Variants in IKZF2 observed in about 807,000 individuals in gnomAD.
IKZF2 encodes the protein zinc finger protein Helios.
A neutral mutation model predicts 49.2 loss-of-function variants in IKZF2; 15 were observed. The observed-to-expected ratio is 0.30, with a 90% CI of 0.20 to 0.47. The LOEUF (loss-of-function observed/expected upper bound fraction) is 0.47, where lower values mean the gene tolerates loss of function less well. Among genes scored for constraint, IKZF2 ranks in the 20% least tolerant of loss-of-function variants. IKZF2 has a pLI of 1.00. For missense variants in IKZF2, 567 were observed against 664.6 expected, an observed-to-expected ratio of 0.85 and a Z score of 1.61; for synonymous variants, 227 against 221.4, an observed-to-expected ratio of 1.03 and a Z score of -0.23.
At chr2:213,063,816 CT>C (rs1338721181) in intron 4 of IKZF2, among the ~76,000 whole-genome samples, 1 of 151,988 alleles carries the variant, frequency 6.6e-6, no homozygotes, top group Admixed American at 6.6e-5. Context: ...AAACAAGTAA[CT>C]TACATTAGTA....
Position 213,007,582 on chromosome 2 carries a change from A to G in IKZF2, c.1359T>C (p.Ser453=). ...ALDTTKAPKG[S]LKDIYKVFNG... is the part of the protein sequence containing the mutation. ...TGAAGACCTTGTAGATGTCCTTCAG[A>G]GAGCCCTTAGGAGCCTTGGTAGTAT... Residue 453 remains serine (S), a synonymous_variant, in exon 9 of 9, where the codon TCT becomes TCC. Transcript: ENST00000434687. 6.2e-7 allele frequency: 1 copy of G among 1,613,738 alleles called. No homozygotes were observed. Among genetic ancestry groups the G allele is most frequent in the East Asian group, 2.2e-5 (1 of 44,860 alleles).
chr2:213,054,143 C>T (rs1273956957), intron 5 of IKZF2, among the ~76,000 whole-genome samples: 1 of 151,978 alleles, frequency 6.6e-6, no homozygotes, highest in East Asian at 1.9e-4. Context: ...ACTTTGGAGG[C>T]TGAGGCAGGA....
chr2:213,127,285 TAGTTG>T (rs2060299469), intron 4 of IKZF2, among the ~76,000 whole-genome samples: 1 of 152,172 alleles, frequency 6.6e-6, no homozygotes, highest in South Asian at 2.1e-4. Context: ...AACAGTACAT[TAGTTG>T]AGGTCATGCT....
chr2:213,082,066 A>C (rs1704012077), intron 4 of IKZF2, among the ~76,000 whole-genome samples: 1 of 152,218 alleles, frequency 6.6e-6, no homozygotes, highest in African/African-American at 2.4e-5. Context: ...AGTTAAAGGC[A>C]AGTGAGGCTG....
At chr2:213,022,684 G>C (rs1338946244) in intron 6 of IKZF2, among the ~76,000 whole-genome samples, 1 of 152,056 alleles carries the variant, frequency 6.6e-6, no homozygotes, top group Non-Finnish European at 1.5e-5. Context: ...TTTCACCTTG[G>C]TAACAACTAT....
chr2:213,079,677 CA>C (rs1703720040), intron 4 of IKZF2, among the ~76,000 whole-genome samples: 1 of 152,150 alleles, frequency 6.6e-6, no homozygotes, highest in African/African-American at 2.4e-5. Context: ...GGGCAGGATA[CA>C]TTTGCCAGCC....
upstream of IKZF2, among the ~76,000 whole-genome samples, chr2:213,151,784 G>C (rs968525771): frequency 6.8e-6 from 1 of 146,992 alleles, no homozygotes; most frequent in African/African-American, 2.4e-5. Context: ...GCGCGGGCGA[G>C]CGGACGTGCG....
At chr2:213,077,902 A>AT (rs1039577806) in intron 4 of IKZF2, among the ~76,000 whole-genome samples, 4 of 151,754 alleles carry the variant, frequency 2.6e-5, no homozygotes, top group Non-Finnish European at 4.4e-5. Context: ...CTATGTACTT[A>AT]TTTTTTTTAA....
intron 4 of IKZF2, among the ~76,000 whole-genome samples, chr2:213,100,129 TC>T (rs1327158520): frequency 6.6e-6 from 1 of 152,134 alleles, no homozygotes; most frequent in African/African-American, 2.4e-5. Flanking sequence ...GAAATATCCT[TC>T]TGTGGGAAGG....
At chr2:213,142,832 T>C (rs2060919799) in intron 4 of IKZF2, among the ~76,000 whole-genome samples, 1 of 151,988 alleles carries the variant, frequency 6.6e-6, no homozygotes, top group Non-Finnish European at 1.5e-5. Context: ...AAGTAAAGCA[T>C]CTAGCATACT....
chr2:213,135,627 C>G (rs1454190304), intron 4 of IKZF2, among the ~76,000 whole-genome samples: 2 of 150,938 alleles, frequency 1.3e-5, no homozygotes, highest in Non-Finnish European at 3.0e-5. Context: ...CCAGGCTGCA[C>G]TGAGCTATAA....
intron 7 of IKZF2, among the ~76,000 whole-genome samples, chr2:213,018,839 T>C (rs1213202433): frequency 6.6e-6 from 1 of 152,112 alleles, no homozygotes; most frequent in African/African-American, 2.4e-5. Context: ...TATATGCAAT[T>C]TTTACTCATC....
At chr2:213,087,566 A>C (rs1189516374) in intron 4 of IKZF2, among the ~76,000 whole-genome samples, 1 of 152,078 alleles carries the variant, frequency 6.6e-6, no homozygotes, top group Non-Finnish European at 1.5e-5. Context: ...ACACATGTAT[A>C]CATGTGCCAT....
intron 4 of IKZF2, among the ~76,000 whole-genome samples, chr2:213,124,717 A>G (rs1298470399): frequency 3.3e-5 from 5 of 152,222 alleles, no homozygotes; most frequent in African/African-American, 1.2e-4. Context: ...CAACAACAAC[A>G]AAGTACCAGG....
chr2:213,044,434 T>G (rs971286115), intron 6 of IKZF2, among the ~76,000 whole-genome samples: 1 of 152,136 alleles, frequency 6.6e-6, no homozygotes, highest in Non-Finnish European at 1.5e-5. Context: ...GGCCCAAAGC[T>G]CCAGTCAAAA....
rs768308506 is a variant in IKZF2 at position 213,007,900 on chromosome 2, C to G, written c.1041G>C (p.Val347=). The G allele has an allele frequency of 1.9e-6, 3 of 1,613,370 alleles. No homozygotes were observed. The African/African-American group carries it at 4.0e-5, about 22-fold the overall frequency. The part of the protein sequence containing the change: ...MQHPPSTIAE[V]APVISSAYSQ... ...AATAAGCTGAGCTTATAACTGGGGC[C>G]ACTTCAGCGATTGTGCTTGGCGGGT... Residue 347 remains valine (V), a synonymous_variant, in exon 9 of 9, where the codon GTG becomes GTC. Coordinates refer to ENST00000434687, the MANE Select transcript of IKZF2 (RefSeq NM_001387220.1).
chr2:213,141,294 T>C (rs1025240370), intron 4 of IKZF2, among the ~76,000 whole-genome samples: 1 of 152,006 alleles, frequency 6.6e-6, no homozygotes, highest in South Asian at 2.1e-4. Flanking sequence ...GCCTAGAGAC[T>C]GGTCCCCATC....
At position 213,007,231 on chromosome 2, in the gene IKZF2, T is replaced by A. The variant is rs1695420931; in HGVS notation, c.*129A>T. 1.0e-6 allele frequency: 1 copy of A among 996,312 alleles called. No homozygotes were observed. Among genetic ancestry groups the A allele is most frequent in the Non-Finnish European group, 1.4e-6 (1 of 693,738 alleles). The allele number at this position is 996,312 out of a possible 1,614,324, so 61.7% of individuals were successfully genotyped here. A position where few individuals can be genotyped will look rare whatever the true frequency, so the allele number is the denominator to read the frequency against. ...GACACTGCCTCCACAAAATAAGAAT[T>A]ATCAACAGTAATAATATTAAAAAAA... On this transcript the variant is annotated 3_prime_UTR_variant, in exon 9 of 9. Coordinates refer to ENST00000434687, the MANE Select transcript of IKZF2 (RefSeq NM_001387220.1).
intron 4 of IKZF2, among the ~76,000 whole-genome samples, chr2:213,113,844 A>G (rs1463818346): frequency 2.6e-5 from 4 of 152,170 alleles, no homozygotes; most frequent in Non-Finnish European, 5.9e-5. Flanking sequence ...CTATTGAGCA[A>G]GGAGGGGCAA....
Sources: allele counts gnomAD v4.1 joint callset (sites outside exome capture counted in the v4.1 genomes callset), GRCh38; gene constraint gnomAD v4.1.1; transcripts MANE v1.5; gene names NCBI Gene and HGNC (gene_info 2026-07-23, HGNC 2026-07-21).